CERS6: variants seen among roughly 807,000 people sequenced by gnomAD.
The protein encoded by CERS6 is LAG1 homolog, ceramide synthase 6.
CERS6 carries 26 observed loss-of-function variants against 56.8 expected under a neutral mutation model. The observed-to-expected ratio is 0.46, with a 90% confidence interval of 0.34 to 0.63. The LOEUF is 0.63. Ranked by LOEUF, CERS6 falls within the 30% of genes least tolerant of loss-of-function variation. CERS6 has a pLI of 0.01. For synonymous variants in CERS6, 164 were observed against 173.3 expected, an observed-to-expected ratio of 0.95 and a Z score of 0.42; for missense variants, 415 against 467.5, an observed-to-expected ratio of 0.89 and a Z score of 1.04.
chr2:168,519,426 G>T (rs1694939751), intron 1 of CERS6, among the ~76,000 whole-genome samples: 1 of 152,028 alleles, frequency 6.6e-6, no homozygotes, highest in Non-Finnish European at 1.5e-5. Flanking sequence ...TGTTGCATGG[G>T]TCTATTGTGT....
chr2:168,528,736 AAGC>A (rs751284113), intron 1 of CERS6, among the ~76,000 whole-genome samples: 2 of 152,230 alleles, frequency 1.3e-5, no homozygotes, highest in East Asian at 3.8e-4. Flanking sequence ...AAACAGGAGA[AAGC>A]AGCCAAATGA....
intron 8 of CERS6, among the ~76,000 whole-genome samples, chr2:168,744,012 T>C (rs1684013025): frequency 7.0e-6 from 1 of 143,376 alleles, no homozygotes; most frequent in East Asian, 2.0e-4. Flanking sequence ...TTTTTTTTTT[T>C]TTTGAGATGG....
At chr2:168,639,367 A>G (rs1485561874) in intron 4 of CERS6, among the ~76,000 whole-genome samples, 7 of 152,208 alleles carry the variant, frequency 4.6e-5, no homozygotes, top group Admixed American at 1.3e-4. Context: ...GTACCTGCAC[A>G]TTCACTCTGC....
chr2:168,736,422 G>T (rs895356821), intron 8 of CERS6, among the ~76,000 whole-genome samples: 1 of 152,052 alleles, frequency 6.6e-6, no homozygotes, highest in Non-Finnish European at 1.5e-5. Context: ...AAACTCCTGG[G>T]CTCAAGGGAT....
intron 3 of CERS6, among the ~76,000 whole-genome samples, chr2:168,596,279 A>G (rs1157850844): frequency 6.6e-6 from 1 of 150,408 alleles, no homozygotes; most frequent in Non-Finnish European, 1.5e-5. Context: ...TGCTGATCAC[A>G]GGGTCATGTG....
intron 1 of CERS6, among the ~76,000 whole-genome samples, chr2:168,482,673 A>G (rs1422806176): frequency 6.6e-6 from 1 of 152,242 alleles, no homozygotes; most frequent in Non-Finnish European, 1.5e-5. Flanking sequence ...GGGGACTCAC[A>G]TTATCTTTGA....
chr2:168,718,085 TG>T (rs774165673), intron 8 of CERS6, 107 bp downstream of exon 8: 13 of 727,902 alleles, frequency 1.8e-5, no homozygotes, highest in South Asian at 1.5e-4. Flanking sequence ...TTAAATATAT[TG>T]GGGGGGAGGG....
At chr2:168,730,405 A>G (rs192217270) in intron 8 of CERS6, among the ~76,000 whole-genome samples, 40 of 152,306 alleles carry the variant, frequency 2.6e-4, no homozygotes, top group African/African-American at 9.4e-4. Flanking sequence ...TGAGGCTTTG[A>G]TGATTGCGTG....
intron 1 of CERS6, among the ~76,000 whole-genome samples, chr2:168,468,504 A>T (rs1693922301): frequency 6.6e-6 from 1 of 152,218 alleles, no homozygotes; most frequent in Non-Finnish European, 1.5e-5. Context: ...TGTGAAACTC[A>T]TAGGGTTGCT....
intron 8 of CERS6, among the ~76,000 whole-genome samples, chr2:168,730,731 A>G (rs1001806106): frequency 3.3e-5 from 5 of 152,184 alleles, no homozygotes; most frequent in Non-Finnish European, 7.4e-5. Flanking sequence ...AAAGGACGGC[A>G]TATAAACCCA....
chr2:168,650,672 A>ATT lies in CERS6; in HGVS notation c.465+19640_465+19641dup, dbSNP rs11399845. 9.7e-3 allele frequency among the ~76,000 whole-genome samples: 1,462 copies of ATT among 150,452 alleles called. 28 individuals are homozygous for ATT. The highest frequency in any genetic ancestry group is 0.033 in the African/African-American group (1,367 of 41,036). On this transcript the variant is annotated intron_variant, in intron 4 of 9. Coordinates refer to ENST00000305747, the MANE Select transcript of CERS6 (RefSeq NM_203463.3). ...ATCTATCTTATCTGACTTCCGGTGA[A>ATT]TTTTTTTTTTTAAATGAAATTTGCC...
chr2:168,727,370 GAAACCCCATCTCTACTAA>G (rs1683380971), intron 8 of CERS6, among the ~76,000 whole-genome samples: 2 of 152,074 alleles, frequency 1.3e-5, no homozygotes, highest in Non-Finnish European at 2.9e-5. Flanking sequence ...CCAACATGGT[GAAACCCCATCTCTACTAA>G]AAATACATAA....
chr2:168,740,125 T>C (rs1016178997), intron 8 of CERS6, among the ~76,000 whole-genome samples: 4 of 152,182 alleles, frequency 2.6e-5, no homozygotes, highest in Admixed American at 1.3e-4. Context: ...TTTTCCAGAA[T>C]TGATGCATAT....
At chr2:168,657,883 T>A (rs1685530486) in intron 4 of CERS6, among the ~76,000 whole-genome samples, 1 of 152,192 alleles carries the variant, frequency 6.6e-6, no homozygotes, top group African/African-American at 2.4e-5. Flanking sequence ...AGAAAGTGGC[T>A]CCCACAGTGC....
rs962480646 is a variant in CERS6, at chr2:168,528,159, A to G, written c.171-19437A>G. On this transcript the variant is annotated intron_variant, in intron 1 of 9. Coordinates refer to ENST00000305747, the MANE Select transcript of CERS6 (RefSeq NM_203463.3). ...TTTCAATATGTTAATTTTGAGGGACACATTCAAACCATTGCACCATGTATT... is the reference window on the plus strand; with the variant it reads ...TTTCAATATGTTAATTTTGAGGGACGCATTCAAACCATTGCACCATGTATT... Among the ~76,000 whole-genome samples, 5 of 152,350 alleles carry G rather than the reference A, an allele frequency of 3.3e-5. No individual in the cohort carries two copies. The Middle Eastern group carries it at 0.017, about 522-fold the overall frequency.
intron 3 of CERS6, among the ~76,000 whole-genome samples, chr2:168,594,394 G>A (rs1216454291): frequency 6.6e-6 from 1 of 152,146 alleles, no homozygotes; most frequent in Non-Finnish European, 1.5e-5. Flanking sequence ...AGACCAGCCT[G>A]TGCAACATAG....
intron 1 of CERS6, among the ~76,000 whole-genome samples, chr2:168,528,168 C>T (rs1445901376): frequency 6.6e-6 from 1 of 152,166 alleles, no homozygotes; most frequent in Non-Finnish European, 1.5e-5. Context: ...CACATTCAAA[C>T]CATTGCACCA....
chr2:168,554,587 A>T (rs1695641677), intron 2 of CERS6, among the ~76,000 whole-genome samples: 1 of 152,190 alleles, frequency 6.6e-6, no homozygotes. Context: ...TTTACCTCAC[A>T]TCCTTCAGAA....
chr2:168,668,373 C>T (rs1473755581), intron 4 of CERS6, among the ~76,000 whole-genome samples: 1 of 152,000 alleles, frequency 6.6e-6, no homozygotes, highest in Non-Finnish European at 1.5e-5. Flanking sequence ...GTCAACAAGA[C>T]AGCATGTCCT....
Sources: gnomAD v4.1 joint callset for allele counts (sites outside exome capture counted in the v4.1 genomes callset) on GRCh38, gnomAD v4.1.1 for gene constraint, MANE v1.5 for transcripts, NCBI Gene and HGNC (gene_info 2026-07-23, HGNC 2026-07-21) for gene names.